The following RAD51B variants were observed in gnomAD, a reference collection of about 807,000 sequenced individuals.
The protein encoded by RAD51B is DNA repair protein RAD51 homolog 2.
RAD51B carries 38 observed loss-of-function variants against 42.2 expected under a neutral mutation model. The ratio of observed to expected loss-of-function variants is 0.90; its 90% CI spans 0.70 to 1.18. The LOEUF (loss-of-function observed/expected upper bound fraction) is 1.18. Ranked by LOEUF, RAD51B falls within the 50% of genes most tolerant of loss-of-function variation. The pLI, the probability that RAD51B is intolerant of heterozygous loss-of-function variation, is 0.00. For missense variants in RAD51B, 373 were observed against 400.7 expected (o/e 0.93, Z 0.59); for synonymous variants, 154 against 145.2 (o/e 1.06, Z -0.43).
At position 68,227,887 on chromosome 14, in the gene RAD51B, G is replaced by GA. The variant is rs1185689161; in HGVS notation, c.757-63995dup. Among the ~76,000 whole-genome samples the GA allele has an allele frequency of 1.1e-4, 17 of 152,138 alleles. No homozygotes were observed. In the East Asian group the frequency reaches 1.4e-3, roughly 12 times the overall value. The stretch of plus-strand genomic sequence containing the variant: ...TCATGAATTTAATTTTGTTCCTTTA[G>GA]AACCATTTAACAGAGCATATTATTA... On this transcript the variant is annotated intron_variant, in intron 7 of 10. Transcript: ENST00000471583.
At chr14:68,137,507 T>G (rs903458203) in intron 7 of RAD51B, among the ~76,000 whole-genome samples, 3 of 152,206 alleles carry the variant, frequency 2.0e-5, no homozygotes, top group Non-Finnish European at 2.9e-5. Flanking sequence ...CATCATTATC[T>G]TTAATAGTTG....
intron 10 of RAD51B, chr14:68,561,872 G>A: frequency 1.2e-6 from 1 of 810,376 alleles, no homozygotes; most frequent in Non-Finnish European, 1.5e-6. Context: ...TTCCTCTGCT[G>A]GAAAAGGAGG....
At chr14:67,900,598 T>TTGTGTGTG (rs142144274) in intron 7 of RAD51B, among the ~76,000 whole-genome samples, 5,437 of 142,222 alleles carry the variant, frequency 0.038, 235 homozygotes, top group African/African-American at 0.11. Context: ...TTCTTTCAGT[T>TTGTGTGTG]TGTGTGTGTG....
intron 7 of RAD51B, among the ~76,000 whole-genome samples, chr14:68,064,814 G>C (rs2076623878): frequency 1.3e-5 from 2 of 151,984 alleles, no homozygotes; most frequent in African/African-American, 2.4e-5. Context: ...CAAGTTTTCT[G>C]TTTGGTTCTC....
chr14:68,426,018 T>TTCTC (rs1566876661), intron 9 of RAD51B, among the ~76,000 whole-genome samples: 1 of 148,134 alleles, frequency 6.8e-6, no homozygotes, highest in Admixed American at 6.7e-5. Context: ...CTTTCTTTCT[T>TTCTC]TCTTTCTTTC....
chr14:68,043,226 C>T (rs951121228), intron 7 of RAD51B, among the ~76,000 whole-genome samples: 12 of 152,158 alleles, frequency 7.9e-5, no homozygotes, highest in African/African-American at 2.9e-4. Context: ...CATTCAGAAA[C>T]CTGAAGACAT....
chr14:68,508,294 T>C (rs1253281211), intron 10 of RAD51B, among the ~76,000 whole-genome samples: 1 of 152,148 alleles, frequency 6.6e-6, no homozygotes, highest in Non-Finnish European at 1.5e-5. Context: ...AGCAGGACTC[T>C]AAAGACTGGG....
chr14:67,946,752 A>AACAG (rs1165568838), intron 7 of RAD51B, among the ~76,000 whole-genome samples: 3 of 152,202 alleles, frequency 2.0e-5, no homozygotes, highest in Admixed American at 1.3e-4. Context: ...AAAACAAACA[A>AACAG]AACACACAGG....
chr14:67,871,931 C>T lies in RAD51B; in HGVS notation c.452+6792C>T, dbSNP rs1243102761. On this transcript the variant is annotated intron_variant, in intron 5 of 10. Coordinates refer to ENST00000471583, the MANE Select transcript of RAD51B (RefSeq NM_133510.4). ...CTCAATAAATTAGGTATTGATGGGACGTATTTCAAAATAATAAGAGCTATC... is the reference window on the plus strand; with the variant it reads ...CTCAATAAATTAGGTATTGATGGGATGTATTTCAAAATAATAAGAGCTATC... 5.3e-5 allele frequency among the ~76,000 whole-genome samples: 8 copies of T among 151,162 alleles called. No individual in the cohort carries two copies. In the East Asian group the frequency reaches 9.7e-4, roughly 18 times the overall value.
At chr14:68,242,387 CATCT>C (rs1435766826) in intron 7 of RAD51B, among the ~76,000 whole-genome samples, 1 of 152,236 alleles carries the variant, frequency 6.6e-6, no homozygotes, top group Admixed American at 6.5e-5. Flanking sequence ...GCTACTAACA[CATCT>C]TGTTTCCCTG....
rs572424809 is a variant in RAD51B at position 68,411,446 on chromosome 14, G to A, written c.876G>A (p.Val292=). 7.7e-5 allele frequency: 125 copies of A among 1,614,106 alleles called. 2 individuals are homozygous for A. The South Asian group carries it at 1.3e-3, about 17-fold the overall frequency. Residue 292 remains valine, a synonymous_variant, in exon 9 of 11, where the codon GTG becomes GTA. Transcript: ENST00000471583. The part of the protein sequence containing the change: ...LSEGTSGSSC[V]IAALGNTWSH... ...CAGGCACTTCTGGATCCAGCTGTGT[G>A]ATAGCCGCACTAGGAAATACCTGGA...
chr14:68,472,596 G>A (rs2086153307), intron 10 of RAD51B, among the ~76,000 whole-genome samples: 1 of 152,226 alleles, frequency 6.6e-6, no homozygotes, highest in Non-Finnish European at 1.5e-5. Flanking sequence ...TAGTGGCTTA[G>A]TTCCTCAGTA....
chr14:68,393,125 C>T (rs528250588), intron 8 of RAD51B, among the ~76,000 whole-genome samples: 1 of 152,300 alleles, frequency 6.6e-6, no homozygotes, highest in South Asian at 2.1e-4. Context: ...GTGCTTTGAG[C>T]TGCTGGGAAA....
intron 7 of RAD51B, among the ~76,000 whole-genome samples, chr14:68,001,617 G>A (rs891424096): frequency 1.3e-5 from 2 of 152,244 alleles, no homozygotes; most frequent in African/African-American, 4.8e-5. Context: ...ATGCCATGGT[G>A]GTTTGCTGCA....
chr14:68,011,734 C>T (rs1458014177), intron 7 of RAD51B, among the ~76,000 whole-genome samples: 1 of 151,932 alleles, frequency 6.6e-6, no homozygotes, highest in Admixed American at 6.6e-5. Flanking sequence ...TTTATATGTT[C>T]AGGAATACAG....
intron 11 of RAD51B, among the ~76,000 whole-genome samples, chr14:68,666,161 G>A (rs1893029598): frequency 6.6e-6 from 1 of 152,070 alleles, no homozygotes; most frequent in Non-Finnish European, 1.5e-5. Context: ...CATGAAACCT[G>A]ACTCTGAAGC....
chr14:68,349,840 A>G (rs2082748572), intron 8 of RAD51B, among the ~76,000 whole-genome samples: 1 of 152,224 alleles, frequency 6.6e-6, no homozygotes, highest in African/African-American at 2.4e-5. Flanking sequence ...TTAAGCATCT[A>G]TATCCCAGTC....
At chr14:68,574,894 G>T (rs923556694) in intron 10 of RAD51B, among the ~76,000 whole-genome samples, 1 of 152,182 alleles carries the variant, frequency 6.6e-6, no homozygotes, top group East Asian at 1.9e-4. Context: ...TGAAGTGTGG[G>T]GGGGATTGGG....
chr14:68,242,978 T>C (rs939064414), intron 7 of RAD51B, among the ~76,000 whole-genome samples: 1 of 152,190 alleles, frequency 6.6e-6, no homozygotes, highest in African/African-American at 2.4e-5. Flanking sequence ...ATACTCCCCA[T>C]AGGAGGACAG....
Sources: gnomAD v4.1 joint callset for allele counts (sites outside exome capture counted in the v4.1 genomes callset) on GRCh38, gnomAD v4.1.1 for gene constraint, MANE v1.5 for transcripts, NCBI Gene and HGNC (gene_info 2026-07-23, HGNC 2026-07-21) for gene names.